The following RBFA variants were observed in gnomAD, a reference collection of about 807,000 sequenced individuals.
RBFA encodes the protein ribosome binding factor A, also known as putative ribosome-binding factor A, mitochondrial.
In RBFA, 16 loss-of-function variants were observed where a neutral mutation model predicts 27.9. The ratio of observed to expected loss-of-function variants is 0.57; its 90% confidence interval spans 0.39 to 0.87. The LOEUF is 0.87. Among genes scored for constraint, RBFA ranks in the 40% least tolerant of loss-of-function variants. The probability of loss-of-function intolerance (pLI) is 0.00; values close to 1 mark genes in which losing one functional copy is unlikely to be tolerated. For synonymous variants in RBFA, 181 were observed against 181.0 expected, an observed-to-expected ratio of 1.00 and a Z score of 0.00; for missense variants, 456 against 432.1, an observed-to-expected ratio of 1.06 and a Z score of -0.49.
chr18:80,037,341 A>G lies in RBFA; in HGVS notation c.213A>G (p.Pro71=). 6.2e-7 allele frequency: 1 copy of G among 1,613,846 alleles called. No individual in the cohort carries two copies. The highest frequency in any genetic ancestry group is 8.5e-7 in the Non-Finnish European group (1 of 1,179,948). ...PSLGSHSTYK[P]SKLEFLMRST... ...TCTTCCTGATGGAGACTTACAAACC[A>G]TCCAAGTTGGAATTCCTCATGAGGA... The change falls in exon 3 of 7, where the codon CCA becomes CCG. Residue 71 remains proline (P), a synonymous_variant. Transcript: ENST00000306735.
intron 4 of RBFA, among the ~76,000 whole-genome samples, chr18:80,039,602 C>G (rs569145169): frequency 2.0e-5 from 3 of 152,162 alleles, no homozygotes; most frequent in Non-Finnish European, 4.4e-5. Context: ...TTTAAGCTTT[C>G]AAGTGAAAAT....
chr18:80,045,996 C>T lies in RBFA; in HGVS notation c.873C>T (p.Ser291=), dbSNP rs772894115. ...AGCCCCGCCTGGAGCAGGACAGCTC[C>T]CTCAAGAGTTACCTGTCAGGCGAGG... ...RAKPRLEQDS[S]LKSYLSGEEV... Residue 291 remains serine, a synonymous_variant, in exon 7 of 7, where the codon TCC becomes TCT. Coordinates refer to ENST00000306735, the MANE Select transcript of RBFA (RefSeq NM_024805.3). The T allele has an allele frequency of 1.9e-6, 3 of 1,614,108 alleles. No homozygotes were observed. The highest frequency in any genetic ancestry group is 3.3e-5 in the Admixed American group (2 of 60,026).
chr18:80,042,102 C>T (rs954513851), intron 4 of RBFA, 33 bp from the exon 5 acceptor site: 8 of 1,520,622 alleles, frequency 5.3e-6, no homozygotes, highest in Non-Finnish European at 7.2e-6. Flanking sequence ...TGTCACGGCA[C>T]AGCTGTGAGG....
At position 80,034,571 on chromosome 18, in the gene RBFA, C is replaced by T; in HGVS notation, c.76C>T (p.Leu26=). ...RALFRSRDAA[L]FPGCERGLHC... is the part of the protein sequence containing the mutation. ...CCTGTTCCGTAGCCGCGATGCTGCG[C>T]TATTTCCAGGCTGCGAGCGGGGACT... Residue 26 remains leucine (L), a synonymous_variant, in exon 1 of 7, where the codon CTA becomes TTA. Transcript: ENST00000306735. 6.2e-7 allele frequency: 1 copy of T among 1,609,742 alleles called. No individual in the cohort carries two copies. Among genetic ancestry groups the T allele is most frequent in the Non-Finnish European group, 8.5e-7 (1 of 1,179,140 alleles).
Position 80,045,928 on chromosome 18 carries a change from G to A in RBFA, c.805G>A (p.Ala269Thr), listed in dbSNP as rs765671980. The change falls in exon 7 of 7, where the codon GCT (alanine) becomes ACT (threonine). Residue 269 changes from alanine to threonine, a missense_variant. Physicochemically the swap from Ala to Thr is moderately conservative, Grantham distance 58 (BLOSUM62 0). Transcript: ENST00000306735. ...LGGLVWQGQV[A>T]ELTTQMKKGR... The stretch of plus-strand genomic sequence containing the variant: ...GGGCCTGGTGTGGCAGGGGCAGGTG[G>A]CTGAGCTGACAACGCAGATGAAAAA... The A allele has an allele frequency of 6.2e-7, 1 of 1,613,908 alleles. No individual in the cohort carries two copies. The highest frequency in any genetic ancestry group is 8.5e-7 in the Non-Finnish European group (1 of 1,179,876).
At position 80,034,553 on chromosome 18, in the gene RBFA, C is replaced by A; in HGVS notation, c.58C>A (p.Arg20Ser). 6.2e-7 allele frequency: 1 copy of A among 1,608,664 alleles called. No individual in the cohort carries two copies. Among genetic ancestry groups the A allele is most frequent in the Non-Finnish European group, 8.5e-7 (1 of 1,178,958 alleles). ...CCGCGCGGGTCTCCGGGCCCTGTTCCGTAGCCGCGATGCTGCGCTATTTCC... is the reference window on the plus strand; with the variant it reads ...CCGCGCGGGTCTCCGGGCCCTGTTCAGTAGCCGCGATGCTGCGCTATTTCC... Reference protein sequence around the residue: ...RSRAGLRALFRSRDAALFPGC... With the variant: ...RSRAGLRALFSSRDAALFPGC... Residue 20 changes from arginine to serine, a missense_variant, in exon 1 of 7, where the codon CGT becomes AGT. Arg to Ser is a moderately radical substitution (Grantham distance 110). Coordinates refer to ENST00000306735, the MANE Select transcript of RBFA (RefSeq NM_024805.3).
At chr18:80,037,185 A>G in intron 2 of RBFA, 145 bp from the exon 3 acceptor site, 1 of 603,470 alleles carries the variant, frequency 1.7e-6, no homozygotes, top group Non-Finnish European at 2.9e-6. Flanking sequence ...ATAAAACTTT[A>G]TCTTAATGAA....
intron 2 of RBFA, 119 bp downstream of exon 2, chr18:80,036,829 A>G (rs2051982604): frequency 1.6e-6 from 1 of 611,038 alleles, no homozygotes; most frequent in Non-Finnish European, 2.8e-6. Context: ...GTCTATGTGG[A>G]TGCGACTGGA....
Position 80,034,519 on chromosome 18 carries a change from G to T in RBFA, c.24G>T (p.Leu8=). The part of the protein sequence containing the change: MWAAAGG[L]WRSRAGLRAL... ...CCATGTGGGCTGCGGCGGGCGGGCT[G>T]TGGCGCTCCCGCGCGGGTCTCCGGG... The change falls in exon 1 of 7, where the codon CTG becomes CTT. Residue 8 remains leucine, a synonymous_variant. Coordinates refer to ENST00000306735, the MANE Select transcript of RBFA (RefSeq NM_024805.3). 2 of 1,585,690 alleles carry T rather than the reference G, an allele frequency of 1.3e-6. No individual in the cohort carries two copies. Among genetic ancestry groups the T allele is most frequent in the African/African-American group, 1.4e-5 (1 of 72,014 alleles).
chr18:80,041,508 T>A (rs1179842386), intron 4 of RBFA: 1 of 152,204 alleles, frequency 6.6e-6, no homozygotes, highest in Non-Finnish European at 1.5e-5. Flanking sequence ...GAGGACAGGC[T>A]GTTAGTGCAC....
intron 1 of RBFA, 119 bp downstream of exon 1, chr18:80,034,772 C>T (rs557020613): frequency 1.6e-6 from 2 of 1,280,232 alleles, no homozygotes; most frequent in African/African-American, 1.5e-5. Context: ...CCAGTTCCTG[C>T]CTCCTGGGGT....
rs2052077316 is a variant in RBFA, at chr18:80,049,001, G to A, written c.*2846G>A. Reference sequence around the variant, plus strand: ...GCACGTTTGTAGGGGATCCCACCAGGCATCAGCTCAGTGCCTCCTAGAAAG... The same window carrying A: ...GCACGTTTGTAGGGGATCCCACCAGACATCAGCTCAGTGCCTCCTAGAAAG... On this transcript the variant is annotated 3_prime_UTR_variant, in exon 7 of 7. Transcript: ENST00000306735. 6.7e-6 allele frequency among the ~76,000 whole-genome samples: 1 copy of A among 148,950 alleles called. No individual in the cohort carries two copies.
At position 80,046,302 on chromosome 18, in the gene RBFA, C is replaced by A; in HGVS notation, c.*147C>A. 1 of 871,416 alleles carries A rather than the reference C, an allele frequency of 1.1e-6. No individual in the cohort carries two copies. 54.0% of individuals were successfully genotyped at this position (871,416 alleles called of 1,614,324 possible). A position where few individuals can be genotyped will look rare whatever the true frequency, so the allele number is the denominator to read the frequency against. On this transcript the variant is annotated 3_prime_UTR_variant, in exon 7 of 7. Coordinates refer to ENST00000306735, the MANE Select transcript of RBFA (RefSeq NM_024805.3). ...TCTAGCTTTTCCGTGTATCTAAACA[C>A]AATTTGCTACACAAGTCACTGTTTT...
At chr18:80,044,805 T>C (rs556627790) in intron 6 of RBFA, among the ~76,000 whole-genome samples, 1 of 152,282 alleles carries the variant, frequency 6.6e-6, no homozygotes, top group East Asian at 1.9e-4. Flanking sequence ...CTGCAGGTCT[T>C]GGGGTGTTTG....
rs747018628 is a variant in RBFA at position 80,050,025 on chromosome 18, C to T, written c.*3870C>T. 6.6e-6 allele frequency among the ~76,000 whole-genome samples: 1 copy of T among 152,222 alleles called. No homozygotes were observed. The highest frequency in any genetic ancestry group is 1.5e-5 in the Non-Finnish European group (1 of 68,054). The stretch of plus-strand genomic sequence containing the variant: ...TTTTCCTCTCTAAGGGCCTGAGACC[C>T]TCTCTTAGGAATAGAAGTACAGTTT... On this transcript the variant is annotated 3_prime_UTR_variant, in exon 7 of 7. Transcript: ENST00000306735.
At chr18:80,034,915 A>G (rs2051965890) in intron 1 of RBFA, 1 of 430,378 alleles carries the variant, frequency 2.3e-6, no homozygotes, top group Non-Finnish European at 4.1e-6. Context: ...TCAGAAGATT[A>G]GTTTCAGAAA....
At chr18:80,035,131 A>G (rs2051967972) in intron 1 of RBFA, 1 of 163,894 alleles carries the variant, frequency 6.1e-6, no homozygotes, top group Non-Finnish European at 1.3e-5. Context: ...ACTACTTTTA[A>G]AGACAGTTTT....
chr18:80,044,522 G>A (rs1372419126), intron 6 of RBFA, among the ~76,000 whole-genome samples: 1 of 152,240 alleles, frequency 6.6e-6, no homozygotes, highest in Non-Finnish European at 1.5e-5. Flanking sequence ...GCAGTGAGGA[G>A]AGGGCCTCTT....
chr18:80,046,289 G>A lies in RBFA; in HGVS notation c.*134G>A, dbSNP rs142017980. 1.7e-4 allele frequency: 177 copies of A among 1,049,686 alleles called. No homozygotes were observed. The African/African-American group carries it at 2.4e-3, about 14-fold the overall frequency. The allele number at this position is 1,049,686 out of a possible 1,614,324, so 65.0% of individuals were successfully genotyped here. A position where few individuals can be genotyped will look rare whatever the true frequency, so the allele number is the denominator to read the frequency against. On this transcript the variant is annotated 3_prime_UTR_variant, in exon 7 of 7. Coordinates refer to ENST00000306735, the MANE Select transcript of RBFA (RefSeq NM_024805.3). ...TACTTCAACATTTTCTAGCTTTTCCGTGTATCTAAACACAATTTGCTACAC... is the reference window on the plus strand; with the variant it reads ...TACTTCAACATTTTCTAGCTTTTCCATGTATCTAAACACAATTTGCTACAC...
Sources: allele counts gnomAD v4.1 joint callset (sites outside exome capture counted in the v4.1 genomes callset), GRCh38; gene constraint gnomAD v4.1.1; transcripts MANE v1.5; gene names NCBI Gene and HGNC (gene_info 2026-07-23, HGNC 2026-07-21).